Variants in SAMD3 observed in about 807,000 individuals in gnomAD.
SAMD3 encodes sterile alpha motif domain-containing protein 3.
Under a neutral mutation model 58.5 loss-of-function variants are expected in SAMD3, and 63 were observed. The ratio of observed to expected loss-of-function variants is 1.08; its 90% CI spans 0.88 to 1.33. The LOEUF (loss-of-function observed/expected upper bound fraction) is 1.33, where lower values mean the gene tolerates loss of function less well. Ranked by LOEUF, SAMD3 falls within the 40% of genes most tolerant of loss-of-function variation. SAMD3 has a pLI of 0.00. For missense variants in SAMD3, 604 were observed against 608.4 expected, an observed-to-expected ratio of 0.99 and a Z score of 0.08; for synonymous variants, 220 against 210.3, an observed-to-expected ratio of 1.05 and a Z score of -0.40.
At chr6:130,331,823 T>C (rs1776943802) in intron 1 of SAMD3, among the ~76,000 whole-genome samples, 1 of 152,240 alleles carries the variant, frequency 6.6e-6, no homozygotes, top group Non-Finnish European at 1.5e-5. Context: ...GTTTATGTGC[T>C]TCTGTGTGTT....
chr6:130,355,781 G>A (rs1360190643), intron 1 of SAMD3, among the ~76,000 whole-genome samples: 1 of 152,154 alleles, frequency 6.6e-6, no homozygotes, highest in Non-Finnish European at 1.5e-5. Context: ...GAGACAAGAG[G>A]GGCAGCCCCA....
intron 1 of SAMD3, among the ~76,000 whole-genome samples, chr6:130,362,224 G>GTT (rs1778008982): frequency 6.6e-6 from 1 of 152,222 alleles, no homozygotes; most frequent in Non-Finnish European, 1.5e-5. Context: ...CAGATCACTT[G>GTT]AGTATGTTGC....
intron 2 of SAMD3, among the ~76,000 whole-genome samples, chr6:130,292,085 C>T (rs994880521): frequency 6.6e-6 from 1 of 151,944 alleles, no homozygotes; most frequent in Non-Finnish European, 1.5e-5. Flanking sequence ...TCCATTTTTG[C>T]TGCACTTACA....
At chr6:130,305,313 A>G (rs62433909) in intron 2 of SAMD3, among the ~76,000 whole-genome samples, 25,613 of 151,976 alleles carry the variant, frequency 0.17, 2,392 homozygotes, top group East Asian at 0.36. Context: ...ATATTTTTCT[A>G]TATATTCTGT....
chr6:130,361,820 G>T (rs559643740), intron 1 of SAMD3, among the ~76,000 whole-genome samples: 2 of 152,238 alleles, frequency 1.3e-5, no homozygotes, highest in African/African-American at 4.8e-5. Context: ...TCTTGGGTTG[G>T]GGAAGTATCA....
At chr6:130,251,775 A>G (rs73607944) in intron 2 of SAMD3, among the ~76,000 whole-genome samples, 6,918 of 152,210 alleles carry the variant, frequency 0.045, 196 homozygotes, top group African/African-American at 0.078. Flanking sequence ...GCTTCGTAGC[A>G]AGTTTTGAAA....
upstream of SAMD3, among the ~76,000 whole-genome samples, chr6:130,224,306 G>A (rs984178317): frequency 6.6e-6 from 1 of 151,998 alleles, no homozygotes; most frequent in Non-Finnish European, 1.5e-5. Context: ...TTTGGAAAAT[G>A]CAACATTTGG....
intron 9 of SAMD3, among the ~76,000 whole-genome samples, chr6:130,149,296 C>A (rs983389464): frequency 6.6e-6 from 1 of 152,208 alleles, no homozygotes; most frequent in Non-Finnish European, 1.5e-5. Flanking sequence ...ATTAGTTCAG[C>A]CACTGTGGAA....
chr6:130,360,760 A>G (rs890131777), intron 1 of SAMD3, among the ~76,000 whole-genome samples: 5 of 152,096 alleles, frequency 3.3e-5, no homozygotes, highest in African/African-American at 4.8e-5. Flanking sequence ...GGAGACTGGG[A>G]TTTATTTCAT....
chr6:130,317,667 A>G (rs1197455795), intron 1 of SAMD3, among the ~76,000 whole-genome samples: 1 of 152,238 alleles, frequency 6.6e-6, no homozygotes, highest in Non-Finnish European at 1.5e-5. Context: ...GCTCTTGATC[A>G]AGATGGAATG....
chr6:130,221,003 A>G (rs770524819), intron 1 of SAMD3, among the ~76,000 whole-genome samples: 19 of 151,950 alleles, frequency 1.3e-4, no homozygotes, highest in African/African-American at 2.4e-4. Context: ...ACGGGTGCCC[A>G]CCACCACGCC....
intron 5 of SAMD3, among the ~76,000 whole-genome samples, chr6:130,192,065 C>A (rs1352519538): frequency 6.6e-6 from 1 of 152,196 alleles, no homozygotes; most frequent in East Asian, 1.9e-4. Flanking sequence ...TGGTTCTCCT[C>A]ATCTGAATCC....
intron 1 of SAMD3, among the ~76,000 whole-genome samples, chr6:130,332,492 G>C (rs1776964226): frequency 6.6e-6 from 1 of 152,190 alleles, no homozygotes; most frequent in Admixed American, 6.5e-5. Context: ...GAAGAAGGTA[G>C]CAGTTGAGGT....
At chr6:130,157,689 G>A (rs6569657) in intron 8 of SAMD3, among the ~76,000 whole-genome samples, 125,194 of 152,162 alleles carry the variant, frequency 0.82, 51,632 homozygotes, top group East Asian at 0.94. Flanking sequence ...CAACACAAAG[G>A]TGCTTTATTA....
At chr6:130,350,687 A>G (rs2115035227) in intron 1 of SAMD3, among the ~76,000 whole-genome samples, 1 of 152,266 alleles carries the variant, frequency 6.6e-6, no homozygotes, top group Admixed American at 6.5e-5. Flanking sequence ...CCATCAAACT[A>G]CCAATGACTT....
At chr6:130,296,793 C>T (rs1322177975) in intron 2 of SAMD3, among the ~76,000 whole-genome samples, 5 of 152,054 alleles carry the variant, frequency 3.3e-5, no homozygotes, top group Non-Finnish European at 7.4e-5. Flanking sequence ...AGGGGTGTGT[C>T]CAGGGCCTGC....
intron 8 of SAMD3, among the ~76,000 whole-genome samples, chr6:130,163,743 C>G (rs2114623195): frequency 6.6e-6 from 1 of 152,094 alleles, no homozygotes; most frequent in Admixed American, 6.6e-5. Flanking sequence ...TGTGTCAGGC[C>G]TAGTAAAAAA....
At chr6:130,327,166 A>G (rs1396803671) in intron 1 of SAMD3, among the ~76,000 whole-genome samples, 1 of 152,192 alleles carries the variant, frequency 6.6e-6, no homozygotes, top group Admixed American at 6.5e-5. Flanking sequence ...CATGAAGTTT[A>G]TACAGATGGA....
At chr6:130,152,244 T>C (rs2114572215) in intron 9 of SAMD3, among the ~76,000 whole-genome samples, 1 of 152,294 alleles carries the variant, frequency 6.6e-6, no homozygotes, top group African/African-American at 2.4e-5. Flanking sequence ...GGATCATTTG[T>C]TAACTAGGTA....
Sources: allele counts gnomAD v4.1 joint callset (sites outside exome capture counted in the v4.1 genomes callset), GRCh38; gene constraint gnomAD v4.1.1; transcripts MANE v1.5; gene names NCBI Gene and HGNC (gene_info 2026-07-23, HGNC 2026-07-21).